Variants in TTC7B observed in about 807,000 individuals in gnomAD.
The protein encoded by TTC7B is tetratricopeptide repeat domain 7B, also known as tetratricopeptide repeat protein 7B.
Under a neutral mutation model 106.8 loss-of-function variants are expected in TTC7B, and 28 were observed. That is an observed-to-expected ratio of 0.26 (90% CI 0.19 to 0.36). TTC7B has a LOEUF of 0.36. Ranked by LOEUF, TTC7B falls within the 10% of genes least tolerant of loss-of-function variation. The probability of loss-of-function intolerance (pLI) is 1.00; values close to 1 mark genes in which losing one functional copy is unlikely to be tolerated. For synonymous variants in TTC7B, 405 were observed against 430.6 expected (o/e 0.94, Z 0.74); for missense variants, 862 against 1,076.4 (o/e 0.80, Z 2.79).
chr14:90,599,074 C>T (rs774278505), intron 17 of TTC7B, among the ~76,000 whole-genome samples: 21 of 152,106 alleles, frequency 1.4e-4, no homozygotes, highest in Non-Finnish European at 1.5e-4. Flanking sequence ...TCGGTTGAAC[C>T]CAGGAGGTGG....
intron 15 of TTC7B, among the ~76,000 whole-genome samples, chr14:90,622,370 C>G (rs181770307): frequency 6.6e-6 from 1 of 151,928 alleles, no homozygotes; most frequent in Non-Finnish European, 1.5e-5. Context: ...CTACCTGCCT[C>G]GGCCTCCTGA....
In TTC7B at chr14:90,542,014, A is replaced by T. The variant is rs1162790528; in HGVS notation, c.2311-425T>A. Among the ~76,000 whole-genome samples, 3 of 152,302 alleles carry T rather than the reference A, an allele frequency of 2.0e-5. No individual in the cohort carries two copies. In the East Asian group the frequency reaches 5.8e-4, roughly 29 times the overall value. On this transcript the variant is annotated intron_variant, in intron 19 of 19. Coordinates refer to ENST00000328459, the MANE Select transcript of TTC7B (RefSeq NM_001010854.2). Reference sequence around the variant, plus strand: ...GAGTGCAGTGGCGCGATCTTGGCTCACTGCAAGCTCCGCCTCCCGGGTTCA... The same window carrying T: ...GAGTGCAGTGGCGCGATCTTGGCTCTCTGCAAGCTCCGCCTCCCGGGTTCA...
intron 4 of TTC7B, among the ~76,000 whole-genome samples, chr14:90,739,124 G>A (rs1043365481): frequency 6.6e-6 from 1 of 152,162 alleles, no homozygotes; most frequent in Non-Finnish European, 1.5e-5. Flanking sequence ...TTTTCACTGC[G>A]TTGTAACCTC....
At chr14:90,581,851 C>T (rs1891507379) in intron 18 of TTC7B, among the ~76,000 whole-genome samples, 1 of 152,160 alleles carries the variant, frequency 6.6e-6, no homozygotes, top group South Asian at 2.1e-4. Flanking sequence ...AGCCTCAGGC[C>T]TGATGTTCTC....
intron 1 of TTC7B, among the ~76,000 whole-genome samples, chr14:90,786,656 C>T (rs1453339094): frequency 1.3e-5 from 2 of 151,984 alleles, no homozygotes; most frequent in African/African-American, 4.8e-5. Flanking sequence ...CTCGGCTCAC[C>T]GCAACCTCCA....
chr14:90,704,915 A>G (rs1233550303), intron 5 of TTC7B, among the ~76,000 whole-genome samples: 1 of 152,202 alleles, frequency 6.6e-6, no homozygotes, highest in Non-Finnish European at 1.5e-5. Context: ...CGCGAAGCTC[A>G]GGTTTACCTT....
chr14:90,550,391 C>T (rs1260188143), intron 19 of TTC7B, among the ~76,000 whole-genome samples: 1 of 152,224 alleles, frequency 6.6e-6, no homozygotes, highest in Non-Finnish European at 1.5e-5. Flanking sequence ...GCTTATCACA[C>T]ACATGCACAC....
At chr14:90,798,241 A>G (rs1378321859) in intron 1 of TTC7B, among the ~76,000 whole-genome samples, 2 of 152,190 alleles carry the variant, frequency 1.3e-5, no homozygotes, top group African/African-American at 4.8e-5. Context: ...CAAGAGCAGC[A>G]AAGTCACCGG....
chr14:90,734,737 G>A (rs185394804), intron 4 of TTC7B, among the ~76,000 whole-genome samples: 2 of 151,986 alleles, frequency 1.3e-5, no homozygotes, highest in Admixed American at 1.3e-4. Context: ...CCTGGCTAAG[G>A]ACCTGTGTCC....
Position 90,541,168 on chromosome 14 carries a change from G to T in TTC7B, c.*200C>A, listed in dbSNP as rs1253563500. 2.0e-6 allele frequency: 1 copy of T among 489,692 alleles called. No individual in the cohort carries two copies. Among genetic ancestry groups the T allele is most frequent in the African/African-American group, 1.9e-5 (1 of 52,462 alleles). The allele number at this position is 489,692 out of a possible 1,614,324, so 30.3% of individuals were successfully genotyped here. A position where few individuals can be genotyped will look rare whatever the true frequency, so the allele number is the denominator to read the frequency against. On this transcript the variant is annotated 3_prime_UTR_variant, in exon 20 of 20. Transcript: ENST00000328459. ...GTCAATAGGTTCAGAAACTACCATT[G>T]GGCTGGCAAAAAAAACAAGAGAAAC...
At chr14:90,547,796 G>A (rs886449778) in intron 19 of TTC7B, among the ~76,000 whole-genome samples, 1 of 151,592 alleles carries the variant, frequency 6.6e-6, no homozygotes, top group African/African-American at 2.4e-5. Context: ...AAAAAAAAAA[G>A]CTCTTTTGGG....
chr14:90,560,359 G>C (rs779643985), intron 19 of TTC7B, among the ~76,000 whole-genome samples: 1 of 152,234 alleles, frequency 6.6e-6, no homozygotes, highest in African/African-American at 2.4e-5. Context: ...GCATGCAAGT[G>C]TGAACCAGCA....
intron 19 of TTC7B, among the ~76,000 whole-genome samples, chr14:90,569,285 C>A (rs548316299): frequency 6.6e-6 from 1 of 152,202 alleles, no homozygotes; most frequent in Non-Finnish European, 1.5e-5. Context: ...TCCCTCTCCC[C>A]GGACCAGGAT....
At chr14:90,713,598 C>T (rs73330705) in intron 5 of TTC7B, among the ~76,000 whole-genome samples, 1,920 of 152,210 alleles carry the variant, frequency 0.013, 38 homozygotes, top group African/African-American at 0.043. Context: ...CATACATTGC[C>T]GGCAGGAACG....
At chr14:90,738,091 G>T (rs1424594098) in intron 4 of TTC7B, among the ~76,000 whole-genome samples, 1 of 152,088 alleles carries the variant, frequency 6.6e-6, no homozygotes, top group African/African-American at 2.4e-5. Flanking sequence ...TATGGTAACA[G>T]TAATGCTATT....
At chr14:90,547,362 C>A (rs776116836) in intron 19 of TTC7B, among the ~76,000 whole-genome samples, 5 of 152,274 alleles carry the variant, frequency 3.3e-5, no homozygotes, top group Admixed American at 2.6e-4. Flanking sequence ...GGGCTAAACA[C>A]CTTGCCAGAC....
intron 3 of TTC7B, among the ~76,000 whole-genome samples, chr14:90,778,083 T>G (rs537668646): frequency 4.6e-5 from 7 of 152,242 alleles, no homozygotes; most frequent in African/African-American, 1.4e-4. Flanking sequence ...TAACCGTCCC[T>G]CTACACTGTC....
intron 18 of TTC7B, among the ~76,000 whole-genome samples, chr14:90,587,919 G>T (rs187236114): frequency 1.3e-5 from 2 of 152,354 alleles, no homozygotes; most frequent in East Asian, 3.9e-4. Context: ...TTCACCTATG[G>T]AATGGGGTGA....
chr14:90,662,093 T>A (rs374493282), intron 9 of TTC7B, among the ~76,000 whole-genome samples: 3 of 152,208 alleles, frequency 2.0e-5, no homozygotes, highest in African/African-American at 7.2e-5. Context: ...AGGGCCCTTG[T>A]CATTCTGGCT....
Sources: gnomAD v4.1 joint callset for allele counts (sites outside exome capture counted in the v4.1 genomes callset) on GRCh38, gnomAD v4.1.1 for gene constraint, MANE v1.5 for transcripts, NCBI Gene and HGNC (gene_info 2026-07-23, HGNC 2026-07-21) for gene names.